Variants in TBCK observed in about 807,000 individuals in gnomAD.
TBCK encodes the protein TBC domain-containing protein kinase-like protein.
TBCK carries 99 observed loss-of-function variants against 113.4 expected under a neutral mutation model. The observed-to-expected ratio is 0.87, with a 90% CI of 0.74 to 1.03. The LOEUF is 1.03. Among genes scored for constraint, TBCK ranks in the 50% least tolerant of loss-of-function variants. The pLI, the probability that TBCK is intolerant of heterozygous loss-of-function variation, is 0.00. For missense variants in TBCK, 1,045 were observed against 1,061.3 expected (o/e 0.98, Z 0.21); for synonymous variants, 369 against 370.8 (o/e 1.00, Z 0.05).
chr4:106,118,327 T>C (rs143364580), intron 23 of TBCK, among the ~76,000 whole-genome samples: 2 of 152,340 alleles, frequency 1.3e-5, no homozygotes, highest in African/African-American at 4.8e-5. Context: ...ACTCTGAATT[T>C]TTCAGTGGTA....
chr4:106,305,727 C>T (rs1427226036), intron 2 of TBCK, among the ~76,000 whole-genome samples: 1 of 152,060 alleles, frequency 6.6e-6, no homozygotes, highest in African/African-American at 2.4e-5. Context: ...GCACAAGATA[C>T]AGGTCATAAA....
At chr4:106,174,712 T>C (rs2149751404) in intron 22 of TBCK, among the ~76,000 whole-genome samples, 1 of 152,212 alleles carries the variant, frequency 6.6e-6, no homozygotes, top group Non-Finnish European at 1.5e-5. Flanking sequence ...TAATTTCTAA[T>C]AATTTTGTCA....
intron 22 of TBCK, among the ~76,000 whole-genome samples, chr4:106,192,589 G>A (rs149417926): frequency 6.6e-6 from 1 of 152,026 alleles, no homozygotes; most frequent in East Asian, 1.9e-4. Context: ...TGAGGGAAGG[G>A]GGAATAAAAA....
chr4:106,185,963 A>G (rs1479043656), intron 22 of TBCK, among the ~76,000 whole-genome samples: 1 of 152,092 alleles, frequency 6.6e-6, no homozygotes, highest in African/African-American at 2.4e-5. Flanking sequence ...GTTTCTACTT[A>G]TAAGTGAGAA....
chr4:106,091,653 A>G (rs1172556225), intron 25 of TBCK, among the ~76,000 whole-genome samples: 2 of 151,866 alleles, frequency 1.3e-5, no homozygotes, highest in East Asian at 3.9e-4. Flanking sequence ...CGTGGTCTTG[A>G]TGGGTTCAGG....
At chr4:106,078,799 A>G (rs1334921350) in intron 25 of TBCK, among the ~76,000 whole-genome samples, 2 of 152,140 alleles carry the variant, frequency 1.3e-5, no homozygotes, top group Non-Finnish European at 2.9e-5. Flanking sequence ...TGAAGCCAGC[A>G]TCATCCTCAT....
Position 106,194,752 on chromosome 4 carries a change from G to T in TBCK, c.1863C>A (p.Leu621=). ...TGGTAAGAAACCAAGGGATGGCATA[G>T]AGCTATGAGTGGAAAAAGGGGTACA... is the stretch of plus-strand genomic sequence containing the variant. ...HLNEIGFIPD[L]YAIPWFLTMF... The change falls in exon 21 of 26, where the codon CTC becomes CTA. Residue 621 remains leucine (L), a splice_region_variant and synonymous_variant. Transcript: ENST00000394708. 1 of 1,581,774 alleles carries T rather than the reference G, an allele frequency of 6.3e-7. No homozygotes were observed. The highest frequency in any genetic ancestry group is 1.2e-5 in the South Asian group (1 of 85,592).
intron 1 of TBCK, among the ~76,000 whole-genome samples, chr4:106,314,153 G>T (rs1427951412): frequency 1.3e-5 from 2 of 152,050 alleles, no homozygotes; most frequent in Non-Finnish European, 2.9e-5. Flanking sequence ...TACTAACTTT[G>T]ACAATGTACA....
chr4:106,129,687 G>A (rs936796367), intron 23 of TBCK, among the ~76,000 whole-genome samples: 10 of 152,096 alleles, frequency 6.6e-5, no homozygotes, highest in Admixed American at 2.6e-4. Context: ...AATGTTTTAC[G>A]TCATTAATAA....
chr4:106,066,347 C>G (rs1736631970), intron 25 of TBCK, among the ~76,000 whole-genome samples: 1 of 151,704 alleles, frequency 6.6e-6, no homozygotes, highest in Non-Finnish European at 1.5e-5. Context: ...TCCGAAGATT[C>G]ACTTAAAAAA....
intron 25 of TBCK, among the ~76,000 whole-genome samples, chr4:106,087,005 C>T (rs1435553189): frequency 6.6e-6 from 1 of 152,120 alleles, no homozygotes; most frequent in Non-Finnish European, 1.5e-5. Flanking sequence ...TGGAAGCATT[C>T]CCTTTAAAAA....
At chr4:106,221,435 G>C (rs1391611126) in intron 19 of TBCK, among the ~76,000 whole-genome samples, 3 of 151,924 alleles carry the variant, frequency 2.0e-5, no homozygotes, top group Non-Finnish European at 4.4e-5. Flanking sequence ...TGTAAAACTA[G>C]CATAAGTTTT....
chr4:106,172,100 AG>A (rs1751103116), intron 22 of TBCK, among the ~76,000 whole-genome samples: 1 of 152,034 alleles, frequency 6.6e-6, no homozygotes, highest in South Asian at 2.1e-4. Context: ...CCAAAATTCT[AG>A]GGTTACAGGG....
At chr4:106,105,131 T>C (rs940167865) in intron 24 of TBCK, among the ~76,000 whole-genome samples, 2 of 152,178 alleles carry the variant, frequency 1.3e-5, no homozygotes, top group Non-Finnish European at 2.9e-5. Context: ...AGCAAAGACC[T>C]TAACTGTCTT....
At chr4:106,130,543 G>A (rs894089580) in intron 23 of TBCK, among the ~76,000 whole-genome samples, 7 of 149,782 alleles carry the variant, frequency 4.7e-5, no homozygotes, top group African/African-American at 1.2e-4. Context: ...AGGGAAAAAA[G>A]ACCCTGTAAT....
chr4:106,225,675 T>A (rs1224705875), intron 19 of TBCK, among the ~76,000 whole-genome samples: 1 of 152,084 alleles, frequency 6.6e-6, no homozygotes, highest in African/African-American at 2.4e-5. Context: ...GCCAGGCTGG[T>A]CTCGAACTCC....
chr4:106,316,318 A>T (rs1768864683), upstream of TBCK: 4 of 494,228 alleles, frequency 8.1e-6, no homozygotes, highest in Non-Finnish European at 1.1e-5. Context: ...ACTGGCCACG[A>T]AAGGACATAT....
At chr4:106,285,771 G>A (rs1035889673) in intron 3 of TBCK, among the ~76,000 whole-genome samples, 11 of 152,134 alleles carry the variant, frequency 7.2e-5, no homozygotes, top group African/African-American at 2.7e-4. Flanking sequence ...ATCTAAATAG[G>A]TTTCCTGTTT....
At chr4:106,239,039 A>T (rs1396014655) in intron 12 of TBCK, among the ~76,000 whole-genome samples, 1 of 152,078 alleles carries the variant, frequency 6.6e-6, no homozygotes, top group African/African-American at 2.4e-5. Context: ...GGAGGTGGAA[A>T]GTAACCAATC....
Sources: allele counts gnomAD v4.1 joint callset (sites outside exome capture counted in the v4.1 genomes callset), GRCh38; gene constraint gnomAD v4.1.1; transcripts MANE v1.5; gene names NCBI Gene and HGNC (gene_info 2026-07-23, HGNC 2026-07-21).